Variants in FGF1 observed in about 807,000 individuals in gnomAD.
FGF1 encodes the protein beta-endothelial cell growth factor.
FGF1 carries 9 observed loss-of-function variants against 13.4 expected under a neutral mutation model. That is an observed-to-expected ratio of 0.67 (90% CI 0.40 to 1.17). The LOEUF is 1.17. Among genes scored for constraint, FGF1 ranks in the 50% most tolerant of loss-of-function variants. FGF1 has a pLI of 0.01. For missense variants in FGF1, 156 were observed against 192.7 expected, an observed-to-expected ratio of 0.81 and a Z score of 1.13; for synonymous variants, 93 against 79.0, an observed-to-expected ratio of 1.18 and a Z score of -0.94.
In FGF1 at chr5:142,593,303, A is replaced by C. The variant is rs1381877118; in HGVS notation, c.*1987T>G. 1 of 152,244 alleles carries C rather than the reference A, an allele frequency of 6.6e-6. No individual in the cohort carries two copies. Among genetic ancestry groups the C allele is most frequent in the African/African-American group, 2.4e-5 (1 of 41,474 alleles). 9.4% of individuals were successfully genotyped at this position (152,244 alleles called of 1,614,324 possible). A position where few individuals can be genotyped will look rare whatever the true frequency, so the allele number is the denominator to read the frequency against. ...CTGCATTTTCTCTAACTTGCCTGCA[A>C]AGATTTACTAAAATAAAACAGATTG... On this transcript the variant is annotated 3_prime_UTR_variant, in exon 4 of 4. Coordinates refer to ENST00000337706, the MANE Select transcript of FGF1 (RefSeq NM_000800.5).
At chr5:142,689,593 G>A (rs1751808827), upstream of FGF1, among the ~76,000 whole-genome samples, 1 of 152,098 alleles carries the variant, frequency 6.6e-6, no homozygotes, top group Non-Finnish European at 1.5e-5. Flanking sequence ...AGCAACTTCA[G>A]GGGAGGATGC....
At chr5:142,631,130 G>A (rs1051799922) in intron 1 of FGF1, among the ~76,000 whole-genome samples, 1 of 152,158 alleles carries the variant, frequency 6.6e-6, no homozygotes, top group African/African-American at 2.4e-5. Flanking sequence ...ACTCTGCTAC[G>A]CACTAAGGGA....
chr5:142,685,165 G>A (rs1034362689), intron 1 of FGF1, among the ~76,000 whole-genome samples: 2 of 152,198 alleles, frequency 1.3e-5, no homozygotes, highest in South Asian at 4.1e-4. Flanking sequence ...TGATGTGGGT[G>A]TGGATAGTGT....
At chr5:142,687,505 T>A (rs564702428), upstream of FGF1, among the ~76,000 whole-genome samples, 1 of 152,290 alleles carries the variant, frequency 6.6e-6, no homozygotes, top group African/African-American at 2.4e-5. Flanking sequence ...GGAACCCTCA[T>A]GAACTACCAC....
intron 1 of FGF1, among the ~76,000 whole-genome samples, chr5:142,651,322 T>C (rs951581943): frequency 6.6e-6 from 1 of 152,140 alleles, no homozygotes; most frequent in African/African-American, 2.4e-5. Flanking sequence ...TGCTTAACCT[T>C]TTTACCTTTT....
intron 1 of FGF1, among the ~76,000 whole-genome samples, chr5:142,679,526 G>C (rs1773323681): frequency 6.6e-6 from 1 of 152,174 alleles, no homozygotes; most frequent in Admixed American, 6.5e-5. Flanking sequence ...CTCAGGCACT[G>C]CTGTAGCCCA....
intron 1 of FGF1, among the ~76,000 whole-genome samples, chr5:142,660,418 G>A (rs1768999081): frequency 6.6e-6 from 1 of 152,218 alleles, no homozygotes; most frequent in African/African-American, 2.4e-5. Context: ...GCTGGGTCAG[G>A]GCCCAGGGCG....
At chr5:142,606,600 C>T (rs750075884) in intron 2 of FGF1, among the ~76,000 whole-genome samples, 5 of 152,018 alleles carry the variant, frequency 3.3e-5, no homozygotes, top group African/African-American at 7.3e-5. Context: ...TCCAGCCTGG[C>T]GGCAGAGCGA....
At chr5:142,657,480 C>A (rs1464545636) in intron 1 of FGF1, among the ~76,000 whole-genome samples, 1 of 152,342 alleles carries the variant, frequency 6.6e-6, no homozygotes, top group Non-Finnish European at 1.5e-5. Context: ...TCCACCAAAA[C>A]AACCTTGGAA....
chr5:142,686,503 C>G (rs1369256655), upstream of FGF1: 3 of 152,128 alleles, frequency 2.0e-5, no homozygotes, highest in Non-Finnish European at 2.9e-5. Flanking sequence ...TCTGGCCCGT[C>G]TGAGCAGAAT....
chr5:142,640,841 A>G (rs906926759), intron 1 of FGF1, among the ~76,000 whole-genome samples: 6 of 151,934 alleles, frequency 3.9e-5, no homozygotes, highest in African/African-American at 9.7e-5. Context: ...AGCTATTTGC[A>G]TCCTCCGTTT....
At chr5:142,696,887 C>T (rs1753190180) in intron 2 of FGF1, among the ~76,000 whole-genome samples, 2 of 152,206 alleles carry the variant, frequency 1.3e-5, no homozygotes, top group Admixed American at 1.3e-4. Context: ...GGGCAGACTA[C>T]ATCCAGGATA....
At chr5:142,675,135 G>A (rs1772292513) in intron 1 of FGF1, among the ~76,000 whole-genome samples, 1 of 152,198 alleles carries the variant, frequency 6.6e-6, no homozygotes, top group African/African-American at 2.4e-5. Flanking sequence ...GCATGCATCT[G>A]GATCCACCCT....
chr5:142,634,207 A>G (rs17217079), intron 1 of FGF1, among the ~76,000 whole-genome samples: 2 of 151,772 alleles, frequency 1.3e-5, no homozygotes, highest in Admixed American at 6.6e-5. Context: ...AAAAAAAAAA[A>G]AAAAAACTCC....
intron 1 of FGF1, among the ~76,000 whole-genome samples, chr5:142,620,385 T>C (rs1181424084): frequency 6.6e-6 from 1 of 151,852 alleles, no homozygotes; most frequent in Admixed American, 6.6e-5. Flanking sequence ...GCCACTGCAC[T>C]CCAGCCTGGG....
Position 142,592,448 on chromosome 5 carries a change from T to G in FGF1, c.*2842A>C, listed in dbSNP as rs1466487005. Reference sequence around the variant, plus strand: ...CATTGTGAATCTTTCTTATCATGCCTTCCAAGGAAACCAATACCTACCTCC... The same window carrying G: ...CATTGTGAATCTTTCTTATCATGCCGTCCAAGGAAACCAATACCTACCTCC... On this transcript the variant is annotated 3_prime_UTR_variant, in exon 4 of 4. Coordinates refer to ENST00000337706, the MANE Select transcript of FGF1 (RefSeq NM_000800.5). The G allele has an allele frequency of 4.3e-5, 17 of 398,456 alleles. No individual in the cohort carries two copies. The allele number at this position is 398,456 out of a possible 1,614,324, so 24.7% of individuals were successfully genotyped here.
At chr5:142,628,104 G>A (rs974372438) in intron 1 of FGF1, among the ~76,000 whole-genome samples, 1 of 152,176 alleles carries the variant, frequency 6.6e-6, no homozygotes, top group African/African-American at 2.4e-5. Flanking sequence ...TGTCTGATAA[G>A]GGAGGAAAAG....
rs1219879182 is a variant in FGF1 at position 142,686,018 on chromosome 5, G to A, written c.-96C>T. The A allele has an allele frequency of 2.0e-5, 3 of 152,104 alleles. No homozygotes were observed. The highest frequency in any genetic ancestry group is 4.8e-5 in the African/African-American group (2 of 41,412). 9.4% of individuals were successfully genotyped at this position (152,104 alleles called of 1,614,324 possible). ...CACACTCGCTCAGTGCTGTCCCAGG[G>A]GAAGCAGAATCCACTTGGTGTCTTC... On this transcript the variant is annotated 5_prime_UTR_variant, in exon 1 of 4. Coordinates refer to ENST00000337706, the MANE Select transcript of FGF1 (RefSeq NM_000800.5).
intron 1 of FGF1, among the ~76,000 whole-genome samples, chr5:142,682,926 G>C (rs1334450339): frequency 1.3e-5 from 2 of 151,928 alleles, no homozygotes; most frequent in Non-Finnish European, 2.9e-5. Context: ...AGTTGGACAC[G>C]CTAGCCCAGG....
Sources: allele counts gnomAD v4.1 joint callset (sites outside exome capture counted in the v4.1 genomes callset), GRCh38; gene constraint gnomAD v4.1.1; transcripts MANE v1.5; gene names NCBI Gene and HGNC (gene_info 2026-07-23, HGNC 2026-07-21).